The following DYNC1I1 variants were observed in gnomAD, a reference collection of about 807,000 sequenced individuals.
The protein encoded by DYNC1I1 is cytoplasmic dynein 1 intermediate chain 1.
A neutral mutation model predicts 86.6 loss-of-function variants in DYNC1I1; 43 were observed. That is an observed-to-expected ratio of 0.50 (90% CI 0.39 to 0.64). The LOEUF (loss-of-function observed/expected upper bound fraction) is 0.64. Among genes scored for constraint, DYNC1I1 ranks in the 30% least tolerant of loss-of-function variants. DYNC1I1 has a pLI of 0.00. For synonymous variants in DYNC1I1, 262 were observed against 283.7 expected (o/e 0.92, Z 0.77); for missense variants, 604 against 788.8 (o/e 0.77, Z 2.81).
chr7:95,811,709 G>A (rs964051458), intron 3 of DYNC1I1, among the ~76,000 whole-genome samples: 2 of 152,120 alleles, frequency 1.3e-5, no homozygotes, highest in African/African-American at 4.8e-5. Flanking sequence ...ATTTCTTCAT[G>A]TTGTGGAAGA....
At chr7:96,066,809 T>C (rs1293437283) in intron 14 of DYNC1I1, among the ~76,000 whole-genome samples, 2 of 152,202 alleles carry the variant, frequency 1.3e-5, no homozygotes, top group East Asian at 3.9e-4. Flanking sequence ...AAATAAGCAA[T>C]ATTCTTCTCT....
At chr7:95,998,979 A>C (rs1051961181) in intron 10 of DYNC1I1, among the ~76,000 whole-genome samples, 2 of 152,224 alleles carry the variant, frequency 1.3e-5, no homozygotes, top group African/African-American at 4.8e-5. Context: ...TTCTACTGTC[A>C]CAGGCAGTTT....
At chr7:96,075,978 A>G in intron 14 of DYNC1I1, 79 bp from the exon 15 acceptor site, 4 of 1,539,668 alleles carry the variant, frequency 2.6e-6, no homozygotes, top group African/African-American at 1.4e-5. Context: ...GTGAATGTGC[A>G]AAGTTTTTAA....
chr7:95,852,655 C>T (rs1306873852), intron 5 of DYNC1I1, among the ~76,000 whole-genome samples: 2 of 151,868 alleles, frequency 1.3e-5, no homozygotes, highest in African/African-American at 2.4e-5. Flanking sequence ...TACAGGTGCC[C>T]GCCACCACAC....
chr7:95,947,505 C>T (rs1275650547), intron 6 of DYNC1I1, among the ~76,000 whole-genome samples: 2 of 152,104 alleles, frequency 1.3e-5, no homozygotes, highest in African/African-American at 4.8e-5. Flanking sequence ...CCCAGAGCCC[C>T]CTGCTGCTGA....
intron 10 of DYNC1I1, among the ~76,000 whole-genome samples, chr7:96,018,665 A>T (rs980630771): frequency 6.6e-6 from 1 of 152,146 alleles, no homozygotes. Flanking sequence ...ATTTTTATTT[A>T]TCATTTTCTA....
chr7:96,012,234 T>C (rs1305477937), intron 10 of DYNC1I1, among the ~76,000 whole-genome samples: 2 of 152,128 alleles, frequency 1.3e-5, no homozygotes, highest in Non-Finnish European at 2.9e-5. Flanking sequence ...AAAGATTTAT[T>C]TTGAAGGAAG....
intron 5 of DYNC1I1, among the ~76,000 whole-genome samples, chr7:95,846,623 CTCTCTGTGTGTGTGTGTG>C (rs1789436679): frequency 8.3e-6 from 1 of 121,124 alleles, no homozygotes; most frequent in Non-Finnish European, 1.7e-5. Flanking sequence ...ATAAATCTCT[CTCTCTGTGTGTGTGTGTG>C]TGTGTGTGTG....
At chr7:95,893,740 G>A (rs1316580705) in intron 6 of DYNC1I1, among the ~76,000 whole-genome samples, 1 of 152,148 alleles carries the variant, frequency 6.6e-6, no homozygotes. Flanking sequence ...AGACTCAAAA[G>A]GTTTGTTTCT....
chr7:95,932,050 T>C (rs932828605), intron 6 of DYNC1I1, among the ~76,000 whole-genome samples: 2 of 152,224 alleles, frequency 1.3e-5, no homozygotes. Context: ...TACATATTGC[T>C]CAATACCTAT....
intron 3 of DYNC1I1, 131 bp downstream of exon 3, chr7:95,810,637 A>C (rs1794809058): frequency 1.3e-6 from 1 of 775,000 alleles, no homozygotes; most frequent in African/African-American, 1.8e-5. Flanking sequence ...TCTGTGGCTT[A>C]TGGTTCAGGT....
At chr7:95,787,534 AC>A (rs1355235426) in intron 1 of DYNC1I1, among the ~76,000 whole-genome samples, 1 of 152,170 alleles carries the variant, frequency 6.6e-6, no homozygotes, top group Non-Finnish European at 1.5e-5. Flanking sequence ...GAGCGTTGAC[AC>A]TTTTTATAGT....
chr7:96,096,733 A>G lies in DYNC1I1; in HGVS notation c.1777-750A>G, dbSNP rs1445034961. Among the ~76,000 whole-genome samples, 3 of 152,288 alleles carry G rather than the reference A, an allele frequency of 2.0e-5. No homozygotes were observed. In the East Asian group the frequency reaches 5.8e-4, roughly 29 times the overall value. ...AAATCCCCCTTTTTGATGAATCAGT[A>G]TAGCATACTGGCTAAGGATGCTCAT... On this transcript the variant is annotated intron_variant, in intron 16 of 16. Transcript: ENST00000447467.
chr7:95,948,123 C>T (rs1340693038), intron 6 of DYNC1I1, among the ~76,000 whole-genome samples: 1 of 151,942 alleles, frequency 6.6e-6, no homozygotes, highest in Admixed American at 6.6e-5. Context: ...CAGGAACCAG[C>T]CATCACCATC....
chr7:95,876,828 A>T lies in DYNC1I1; in HGVS notation c.490+6830A>T, dbSNP rs76007539. Among the ~76,000 whole-genome samples the T allele has an allele frequency of 2.7e-3, 406 of 152,338 alleles. 1 individual carries two copies. Among genetic ancestry groups the T allele is most frequent in the African/African-American group, 9.5e-3 (397 of 41,582 alleles). On this transcript the variant is annotated intron_variant, in intron 6 of 16. Coordinates refer to ENST00000447467, the MANE Select transcript of DYNC1I1 (RefSeq NM_001135556.2). ...ACACAAGAGATAGAGCACATGGGGC[A>T]TGTGAGATGGTCCATGAATCTACTT...
At chr7:96,067,680 G>T (rs1465213573) in intron 14 of DYNC1I1, among the ~76,000 whole-genome samples, 1 of 152,128 alleles carries the variant, frequency 6.6e-6, no homozygotes, top group East Asian at 1.9e-4. Context: ...AATTCATAAA[G>T]GTACAAACAC....
At chr7:96,067,921 G>T (rs1028944616) in intron 14 of DYNC1I1, among the ~76,000 whole-genome samples, 1 of 152,040 alleles carries the variant, frequency 6.6e-6, no homozygotes, top group Non-Finnish European at 1.5e-5. Context: ...TAACAAATAC[G>T]ACTATCTACA....
intron 6 of DYNC1I1, among the ~76,000 whole-genome samples, chr7:95,890,386 A>G (rs1393269858): frequency 6.6e-6 from 1 of 152,144 alleles, no homozygotes. Context: ...ATGAGAACAC[A>G]TGGACACATA....
chr7:95,989,654 C>T (rs374327050), intron 9 of DYNC1I1, among the ~76,000 whole-genome samples: 10 of 152,298 alleles, frequency 6.6e-5, no homozygotes, highest in African/African-American at 2.4e-4. Context: ...GGTGTTTCCA[C>T]ACAGGGTCTC....
Sources: gnomAD v4.1 joint callset for allele counts (sites outside exome capture counted in the v4.1 genomes callset) on GRCh38, gnomAD v4.1.1 for gene constraint, MANE v1.5 for transcripts, NCBI Gene and HGNC (gene_info 2026-07-23, HGNC 2026-07-21) for gene names.